Variants in ZNF678 observed in about 807,000 individuals in gnomAD.
The protein encoded by ZNF678 is hypothetical protein MGC42493.
In ZNF678, 5 loss-of-function variants were observed where a neutral mutation model predicts 3.0. The ratio of observed to expected loss-of-function variants is 1.69; its 90% confidence interval spans 0.88 to 3.56. The LOEUF is 3.56. Ranked by LOEUF, ZNF678 falls within the 30% of genes most tolerant of loss-of-function variation. The pLI, the probability that ZNF678 is intolerant of heterozygous loss-of-function variation, is 0.00. For missense variants in ZNF678, 593 were observed against 605.0 expected, an observed-to-expected ratio of 0.98 and a Z score of 0.21; for synonymous variants, 218 against 199.6, an observed-to-expected ratio of 1.09 and a Z score of -0.78.
intron 1 of ZNF678, among the ~76,000 whole-genome samples, chr1:227,612,191 C>T (rs999992083): frequency 7.9e-5 from 12 of 152,164 alleles, no homozygotes; most frequent in African/African-American, 2.9e-4. Context: ...TAAACCCTTC[C>T]AGCTGCAGAA....
At chr1:227,676,758 G>C (rs1205172330) in intron 5 of ZNF678, among the ~76,000 whole-genome samples, 1 of 147,276 alleles carries the variant, frequency 6.8e-6, no homozygotes, top group Non-Finnish European at 1.5e-5. Flanking sequence ...ACCTATAAGA[G>C]AGAACATGCG....
At chr1:227,609,890 C>T (rs1036469016) in intron 1 of ZNF678, among the ~76,000 whole-genome samples, 10 of 152,170 alleles carry the variant, frequency 6.6e-5, no homozygotes, top group South Asian at 6.2e-4. Context: ...CGTGCCACCA[C>T]GCCCAGCTAA....
downstream of ZNF678, among the ~76,000 whole-genome samples, chr1:227,664,441 A>G (rs1368109740): frequency 2.6e-5 from 4 of 152,106 alleles, no homozygotes; most frequent in African/African-American, 9.7e-5. Flanking sequence ...TCAGAAAGAC[A>G]TGTGAGCCTT....
chr1:227,632,612 G>A (rs1344573055), intron 1 of ZNF678, among the ~76,000 whole-genome samples: 32 of 152,128 alleles, frequency 2.1e-4, no homozygotes, highest in Non-Finnish European at 4.0e-4. Context: ...AGGGTTGGGA[G>A]TTAGAAAGCC....
intron 1 of ZNF678, among the ~76,000 whole-genome samples, chr1:227,585,795 G>A (rs925241728): frequency 6.6e-6 from 1 of 151,726 alleles, no homozygotes; most frequent in South Asian, 2.1e-4. Context: ...AAACAAAAAT[G>A]TGTATTCTCT....
rs186278613 is a variant in ZNF678, at chr1:227,648,248, T to C, written c.-37+1578T>C. On this transcript the variant is annotated intron_variant, in intron 2 of 3. Coordinates refer to ENST00000343776, the MANE Select transcript of ZNF678 (RefSeq NM_001367909.1). ...TTAAACTCCCACCTTTTACCTTATT[T>C]TTAAATAACTGTATTTTAAATTTGT... Among the ~76,000 whole-genome samples, 23 of 152,330 alleles carry C rather than the reference T, an allele frequency of 1.5e-4. 1 individual carries two copies. The East Asian group carries it at 4.2e-3, about 28-fold the overall frequency.
At chr1:227,665,648 T>C (rs569588170), downstream of ZNF678, among the ~76,000 whole-genome samples, 1 of 152,398 alleles carries the variant, frequency 6.6e-6, no homozygotes, top group Non-Finnish European at 1.5e-5. Flanking sequence ...TTCCATTTCC[T>C]CAGCTTTAAG....
chr1:227,663,346 G>C (rs1211279677), downstream of ZNF678, among the ~76,000 whole-genome samples: 1 of 152,198 alleles, frequency 6.6e-6, no homozygotes, highest in Non-Finnish European at 1.5e-5. Flanking sequence ...AGCATTGAAA[G>C]GCTGAACCAC....
chr1:227,601,301 G>T (rs1382552064), intron 1 of ZNF678, among the ~76,000 whole-genome samples: 1 of 152,066 alleles, frequency 6.6e-6, no homozygotes, highest in African/African-American at 2.4e-5. Flanking sequence ...GAATAGCATT[G>T]AATCTGTAAA....
intron 1 of ZNF678, among the ~76,000 whole-genome samples, chr1:227,595,551 T>A (rs180952414): frequency 2.0e-5 from 3 of 152,282 alleles, no homozygotes; most frequent in Admixed American, 1.3e-4. Flanking sequence ...TTTTTTGAAA[T>A]TTTTTAACAT....
intron 1 of ZNF678, among the ~76,000 whole-genome samples, chr1:227,610,466 T>A (rs995788285): frequency 6.6e-6 from 1 of 152,238 alleles, no homozygotes. Flanking sequence ...AATTTCACAC[T>A]GATCATAGGT....
At chr1:227,587,476 A>G (rs933876753) in intron 1 of ZNF678, among the ~76,000 whole-genome samples, 2 of 152,172 alleles carry the variant, frequency 1.3e-5, no homozygotes, top group Non-Finnish European at 2.9e-5. Context: ...TTACAAGCCC[A>G]TTGCTATAAT....
In ZNF678 at chr1:227,580,047, C is replaced by T. The variant is rs543442980; in HGVS notation, c.-164+16323C>T. ...TCTCTGGTGGTCGAGGGGTCTCTTC[C>T]TGCTCGGGGTTCCAGAGGCCTGTGA... On this transcript the variant is annotated intron_variant, in intron 1 of 3. Transcript: ENST00000343776. Among the ~76,000 whole-genome samples the T allele has an allele frequency of 5.3e-5, 8 of 152,292 alleles. No individual in the cohort carries two copies. In the South Asian group the frequency reaches 1.7e-3, roughly 32 times the overall value.
intron 1 of ZNF678, among the ~76,000 whole-genome samples, chr1:227,569,812 A>G (rs74880824): frequency 6.6e-6 from 1 of 151,134 alleles, no homozygotes; most frequent in African/African-American, 2.4e-5. Context: ...TAGGACTTCC[A>G]GTTCTATGTT....
chr1:227,658,462 G>A lies in ZNF678; in HGVS notation c.*2634G>A, dbSNP rs913632954. On this transcript the variant is annotated 3_prime_UTR_variant, in exon 4 of 4. Coordinates refer to ENST00000343776, the MANE Select transcript of ZNF678 (RefSeq NM_001367909.1). ...GTAAAGAAAACACATGTATACCCAG[G>A]CTGTACAACTGCCTCTGAAATTAAG... is the stretch of plus-strand genomic sequence containing the variant. 1.3e-5 allele frequency: 2 copies of A among 152,002 alleles called. No individual in the cohort carries two copies. Among genetic ancestry groups the A allele is most frequent in the Non-Finnish European group, 2.9e-5 (2 of 67,952 alleles). 9.4% of individuals were successfully genotyped at this position (152,002 alleles called of 1,614,324 possible).
chr1:227,618,393 G>T (rs1278331339), intron 1 of ZNF678, among the ~76,000 whole-genome samples: 1 of 152,216 alleles, frequency 6.6e-6, no homozygotes, highest in East Asian at 1.9e-4. Flanking sequence ...TGGTGGGTCT[G>T]TCATGTTCAC....
rs1270618683 is a variant in ZNF678 at position 227,599,069 on chromosome 1, G to T, written c.-164+35345G>T. ...TGGTCGATTCAAATAATCCTGTATT[G>T]TTGGCCCTGAAGACTGGATTGGACC... On this transcript the variant is annotated intron_variant, in intron 1 of 3. Coordinates refer to ENST00000343776, the MANE Select transcript of ZNF678 (RefSeq NM_001367909.1). 3.0e-5 allele frequency: 48 copies of T among 1,596,854 alleles called. 1 individual carries two copies. The highest frequency in any genetic ancestry group is 2.2e-5 in the East Asian group (1 of 44,658).
intron 1 of ZNF678, among the ~76,000 whole-genome samples, chr1:227,635,497 T>TG (rs1658651941): frequency 6.8e-6 from 1 of 146,828 alleles, no homozygotes; most frequent in African/African-American, 2.5e-5. Flanking sequence ...AGTTACCAGG[T>TG]GAATTTAGGG....
chr1:227,564,141 A>G (rs562360059), intron 1 of ZNF678, among the ~76,000 whole-genome samples: 4 of 152,220 alleles, frequency 2.6e-5, no homozygotes, highest in African/African-American at 4.8e-5. Flanking sequence ...GCGCCCAGCT[A>G]TGGTGTGTGG....
Sources: allele counts gnomAD v4.1 joint callset (sites outside exome capture counted in the v4.1 genomes callset), GRCh38; gene constraint gnomAD v4.1.1; transcripts MANE v1.5; gene names NCBI Gene and HGNC (gene_info 2026-07-23, HGNC 2026-07-21).